The following NRG3 variants were observed in gnomAD, a reference collection of about 807,000 sequenced individuals.
The protein encoded by NRG3 is pro-neuregulin-3, membrane-bound isoform.
A neutral mutation model predicts 66.9 loss-of-function variants in NRG3; 31 were observed. The ratio of observed to expected loss-of-function variants is 0.46; its 90% CI spans 0.35 to 0.63. The LOEUF (loss-of-function observed/expected upper bound fraction) is 0.63. NRG3 is among the 20% of genes least tolerant of loss of function. The probability of loss-of-function intolerance (pLI) is 0.00; values close to 1 mark genes in which losing one functional copy is unlikely to be tolerated. For synonymous variants in NRG3, 393 were observed against 359.4 expected (o/e 1.09, Z -1.06); for missense variants, 910 against 878.9 (o/e 1.04, Z -0.45).
intron 2 of NRG3, among the ~76,000 whole-genome samples, chr10:82,561,093 A>C (rs1396092455): frequency 6.6e-6 from 1 of 152,128 alleles, no homozygotes; most frequent in African/African-American, 2.4e-5. Flanking sequence ...TGAATTGATA[A>C]AGTGTCCATC....
intron 4 of NRG3, among the ~76,000 whole-genome samples, chr10:82,923,564 A>G (rs1280593496): frequency 6.6e-6 from 1 of 152,240 alleles, no homozygotes; most frequent in Non-Finnish European, 1.5e-5. Context: ...TCAATCAATA[A>G]TTGTAAATAC....
intron 3 of NRG3, among the ~76,000 whole-genome samples, chr10:82,828,273 A>G (rs1564542103): frequency 6.6e-6 from 1 of 152,226 alleles, no homozygotes; most frequent in Admixed American, 6.5e-5. Context: ...CCATCCGGAC[A>G]CCCAGGAATA....
intron 1 of NRG3, among the ~76,000 whole-genome samples, chr10:81,947,233 C>T (rs1589557457): frequency 6.6e-6 from 1 of 152,182 alleles, no homozygotes; most frequent in East Asian, 1.9e-4. Context: ...CCTCTGTGTC[C>T]AAATTTCCCC....
intron 1 of NRG3, among the ~76,000 whole-genome samples, chr10:82,297,269 A>AC (rs2080122728): frequency 8.9e-6 from 1 of 112,418 alleles, no homozygotes. Context: ...TTTTGATAAA[A>AC]CATTTTTTTT....
At chr10:82,901,890 C>T (rs1404143200) in intron 4 of NRG3, among the ~76,000 whole-genome samples, 1 of 152,126 alleles carries the variant, frequency 6.6e-6, no homozygotes, top group East Asian at 1.9e-4. Flanking sequence ...ATGGTACTTG[C>T]TTTTATTTAG....
chr10:82,548,186 A>C (rs182662198), intron 2 of NRG3, among the ~76,000 whole-genome samples: 83 of 152,198 alleles, frequency 5.5e-4, no homozygotes, highest in Admixed American at 2.5e-3. Flanking sequence ...TTGACCAAGC[A>C]ACAAGTGCCC....
intron 1 of NRG3, among the ~76,000 whole-genome samples, chr10:82,148,185 C>CTT (rs917700524): frequency 2.0e-4 from 30 of 152,036 alleles, no homozygotes; most frequent in Non-Finnish European, 4.0e-4. Context: ...TCAAAAACTT[C>CTT]TTTGAGTCAA....
chr10:82,218,547 C>A (rs12414020), intron 1 of NRG3, among the ~76,000 whole-genome samples: 16,799 of 152,140 alleles, frequency 0.11, 1,150 homozygotes, highest in Admixed American at 0.21. Flanking sequence ...CATCTTTGAA[C>A]TCAGAACTCT....
chr10:82,433,251 C>T (rs7082339), intron 2 of NRG3, among the ~76,000 whole-genome samples: 33,042 of 151,958 alleles, frequency 0.22, 5,268 homozygotes, highest in African/African-American at 0.45. Context: ...TCGATGGCCA[C>T]GTAGATGTCT....
chr10:82,618,332 G>A (rs1043940985), intron 2 of NRG3, among the ~76,000 whole-genome samples: 1 of 152,000 alleles, frequency 6.6e-6, no homozygotes, highest in African/African-American at 2.4e-5. Context: ...AGACGGGGGG[G>A]AATTTATGCG....
chr10:82,158,362 T>G (rs2071331897), intron 1 of NRG3, among the ~76,000 whole-genome samples: 1 of 151,774 alleles, frequency 6.6e-6, no homozygotes, highest in Admixed American at 6.6e-5. Context: ...GCTTTTTTAG[T>G]CTCCTGTGAA....
chr10:82,421,669 G>A (rs769225240), intron 2 of NRG3, among the ~76,000 whole-genome samples: 14 of 151,586 alleles, frequency 9.2e-5, no homozygotes, highest in African/African-American at 1.5e-4. Context: ...TTTTCTTTTC[G>A]TGGCCATAGT....
intron 2 of NRG3, among the ~76,000 whole-genome samples, chr10:82,586,373 G>C (rs111543402): frequency 1.3e-5 from 2 of 152,194 alleles, no homozygotes; most frequent in African/African-American, 4.8e-5. Context: ...CATCAAAACC[G>C]TATTCCCAAA....
intron 8 of NRG3, among the ~76,000 whole-genome samples, 199 bp downstream of exon 8, chr10:82,979,319 T>G (rs1296262506): frequency 6.6e-6 from 1 of 152,164 alleles, no homozygotes; most frequent in Admixed American, 6.5e-5. Context: ...CAGGGAAACA[T>G]TAGATTAGAA....
At chr10:82,549,076 C>G (rs1349911185) in intron 2 of NRG3, among the ~76,000 whole-genome samples, 1 of 152,138 alleles carries the variant, frequency 6.6e-6, no homozygotes, top group Non-Finnish European at 1.5e-5. Context: ...TACCTTCACT[C>G]CAGCATTTAC....
At chr10:82,052,370 T>A (rs2063640950) in intron 1 of NRG3, among the ~76,000 whole-genome samples, 1 of 146,400 alleles carries the variant, frequency 6.8e-6, no homozygotes, top group Non-Finnish European at 1.5e-5. Context: ...CTTGTAATTC[T>A]GCTCTTTCCA....
chr10:82,466,549 G>T lies in NRG3; in HGVS notation c.953+107681G>T, dbSNP rs144190395. 4.7e-3 allele frequency among the ~76,000 whole-genome samples: 717 copies of T among 152,248 alleles called. 21 individuals are homozygous for T. The highest frequency in any genetic ancestry group is 1.1e-3 in the Non-Finnish European group (73 of 68,024). ...ATCGACCTGCTTCTAAAGGTAAACA[G>T]GTAGGCAGTTCAGGCCAGGAAGCTG... On this transcript the variant is annotated intron_variant, in intron 2 of 8. Transcript: ENST00000372141.
At chr10:82,024,716 T>G (rs1281117717) in intron 1 of NRG3, among the ~76,000 whole-genome samples, 2 of 151,932 alleles carry the variant, frequency 1.3e-5, no homozygotes, top group African/African-American at 4.8e-5. Context: ...TGGAATGGAG[T>G]GCACTCACTG....
chr10:82,050,669 A>G (rs936544703), intron 1 of NRG3, among the ~76,000 whole-genome samples: 2 of 151,850 alleles, frequency 1.3e-5, no homozygotes, highest in African/African-American at 2.4e-5. Flanking sequence ...CTTCGTAGAC[A>G]TTTTGGTGGA....
Sources: gnomAD v4.1 joint callset for allele counts (sites outside exome capture counted in the v4.1 genomes callset) on GRCh38, gnomAD v4.1.1 for gene constraint, MANE v1.5 for transcripts, NCBI Gene and HGNC (gene_info 2026-07-23, HGNC 2026-07-21) for gene names.